The following LRIF1 variants were observed in gnomAD, a reference collection of about 807,000 sequenced individuals.
LRIF1 encodes the protein ligand-dependent nuclear receptor-interacting factor 1.
LRIF1 carries 32 observed loss-of-function variants against 52.7 expected under a neutral mutation model. That is an observed-to-expected ratio of 0.61 (90% CI 0.46 to 0.82). The LOEUF is 0.82. Among genes scored for constraint, LRIF1 ranks in the 40% least tolerant of loss-of-function variants. LRIF1 has a pLI of 0.00. For missense variants in LRIF1, 887 were observed against 892.0 expected (o/e 0.99, Z 0.07); for synonymous variants, 323 against 317.4 (o/e 1.02, Z -0.19).
At position 110,947,937 on chromosome 1, in the gene LRIF1, AC is replaced by A; in HGVS notation, c.*21del. 1 of 1,550,364 alleles carries A rather than the reference AC, an allele frequency of 6.5e-7. No homozygotes were observed. The highest frequency in any genetic ancestry group is 8.7e-7 in the Non-Finnish European group (1 of 1,152,768). On this transcript the variant is annotated 3_prime_UTR_variant, in exon 4 of 4. Transcript: ENST00000369763. ...GTATATTTTAAAAAACAGCTATTTC[AC>A]TGAAGTCTTTACAGGAGATTTTATT...
At chr1:110,954,648 G>C (rs1490209808) in intron 1 of LRIF1, among the ~76,000 whole-genome samples, 1 of 152,110 alleles carries the variant, frequency 6.6e-6, no homozygotes, top group African/African-American at 2.4e-5. Flanking sequence ...ACCTGGATAA[G>C]AACATATTCA....
Position 110,963,862 on chromosome 1 carries a change from C to T in LRIF1, c.-174G>A. 2.0e-6 allele frequency: 1 copy of T among 500,154 alleles called. No individual in the cohort carries two copies. The allele number at this position is 500,154 out of a possible 1,614,324, so 31.0% of individuals were successfully genotyped here. ...GCGGGCTCTCGAGAGGGTGTATCCC[C>T]AGGCTTCGGGACGAGGTCGCGCACC... On this transcript the variant is annotated 5_prime_UTR_variant, in exon 1 of 4. Coordinates refer to ENST00000369763, the MANE Select transcript of LRIF1 (RefSeq NM_018372.4).
the LRIF1 span, among the ~76,000 whole-genome samples, chr1:110,893,448 G>A: frequency 6.6e-5 from 10 of 152,070 alleles, no homozygotes; most frequent in Non-Finnish European, 1.0e-4. Flanking sequence ...TCAGCCTCCC[G>A]AGTAGCTGGG....
Position 110,951,426 on chromosome 1 carries a change from G to A in LRIF1, c.1458C>T (p.His486=). 1.2e-6 allele frequency: 2 copies of A among 1,614,086 alleles called. No homozygotes were observed. The highest frequency in any genetic ancestry group is 1.7e-6 in the Non-Finnish European group (2 of 1,179,990). ...PIFPVGFSTG[H]NAPRKVTAVI... ...CGGCTGTTACTTTTCTGGGGGCATT[G>A]TGTCCTGTACTAAATCCAACTGGAA... The change falls in exon 2 of 4, where the codon CAC becomes CAT. Residue 486 remains histidine (H), a synonymous_variant. Coordinates refer to ENST00000369763, the MANE Select transcript of LRIF1 (RefSeq NM_018372.4).
the LRIF1 span, among the ~76,000 whole-genome samples, chr1:110,882,902 A>T: frequency 2.0e-5 from 3 of 151,998 alleles, no homozygotes; most frequent in African/African-American, 7.2e-5. Context: ...TTGTGGATTG[A>T]ATCTTGTTTC....
the LRIF1 span, among the ~76,000 whole-genome samples, chr1:110,919,446 G>GCACT: frequency 1.1e-5 from 1 of 90,496 alleles, no homozygotes; most frequent in Non-Finnish European, 2.2e-5. Context: ...TTTGAAGTTT[G>GCACT]GACTCTCTTG....
At chr1:110,923,527 A>T in the LRIF1 span, among the ~76,000 whole-genome samples, 3 of 152,220 alleles carry the variant, frequency 2.0e-5, no homozygotes, top group Non-Finnish European at 4.4e-5. Flanking sequence ...ATTTTTTATC[A>T]TGATGCAATT....
chr1:110,916,948 G>A, the LRIF1 span, among the ~76,000 whole-genome samples: 1 of 152,218 alleles, frequency 6.6e-6, no homozygotes, highest in Admixed American at 6.5e-5. Context: ...TGCTTAGGGT[G>A]TGCCACAAGA....
Position 110,952,669 on chromosome 1 carries a change from G to C in LRIF1, c.215C>G (p.Thr72Arg). 1 of 1,614,088 alleles carries C rather than the reference G, an allele frequency of 6.2e-7. No individual in the cohort carries two copies. Among genetic ancestry groups the C allele is most frequent in the South Asian group, 1.1e-5 (1 of 91,078 alleles). ...AAAAGTAACTTGAACTGGTTTTCCT[G>C]TATTCCCTTTCAAAGCATCAGACAT... ...SVMSDALKGN[T>R]GKPVQVTFQT... is the part of the protein sequence containing the mutation. The change falls in exon 2 of 4, where the codon ACA (threonine) becomes AGA (arginine). Residue 72 changes from threonine to arginine, a missense_variant. Thr to Arg is a moderately conservative substitution (Grantham distance 71, BLOSUM62 -1). Transcript: ENST00000369763.
chr1:110,948,546 A>T, intron 3 of LRIF1, 147 bp from the exon 4 acceptor site: 1 of 1,253,798 alleles, frequency 8.0e-7, no homozygotes, highest in Admixed American at 2.8e-5. Flanking sequence ...AGCAAGAGGG[A>T]AATATTTCCC....
chr1:110,896,493 T>C, the LRIF1 span, among the ~76,000 whole-genome samples: 4 of 152,154 alleles, frequency 2.6e-5, no homozygotes, highest in Non-Finnish European at 5.9e-5. Context: ...GTATAACAGA[T>C]TAGAAAGCAC....
chr1:110,890,656 A>G, the LRIF1 span, among the ~76,000 whole-genome samples: 1 of 152,384 alleles, frequency 6.6e-6, no homozygotes, highest in Middle Eastern at 3.4e-3. Flanking sequence ...TCTAGAATTG[A>G]GAACCAGACA....
chr1:110,886,223 A>G, the LRIF1 span, among the ~76,000 whole-genome samples: 5 of 152,062 alleles, frequency 3.3e-5, no homozygotes, highest in Non-Finnish European at 7.4e-5. Flanking sequence ...GTCTGCTCTT[A>G]TCCTTACAAT....
chr1:110,946,655 T>C (rs1346780331), downstream of LRIF1, among the ~76,000 whole-genome samples: 2 of 140,036 alleles, frequency 1.4e-5, no homozygotes, highest in Admixed American at 7.1e-5. Context: ...TTGATCCTTT[T>C]TTTTTTTTTT....
intron 1 of LRIF1, among the ~76,000 whole-genome samples, chr1:110,955,234 T>C (rs1658648469): frequency 6.6e-6 from 1 of 152,222 alleles, no homozygotes; most frequent in Admixed American, 6.5e-5. Flanking sequence ...TCCTTTCTTA[T>C]TCCTTATATT....
At chr1:110,914,082 CT>C in the LRIF1 span, among the ~76,000 whole-genome samples, 2 of 152,056 alleles carry the variant, frequency 1.3e-5, no homozygotes, top group Non-Finnish European at 2.9e-5. Flanking sequence ...GTTCTCACTT[CT>C]TTTATGGGAG....
the LRIF1 span, chr1:110,894,325 A>T: frequency 1.9e-6 from 3 of 1,613,812 alleles, no homozygotes. Flanking sequence ...GCTTTGTCCC[A>T]GTTCTTCATC....
At chr1:110,900,345 A>G in the LRIF1 span, among the ~76,000 whole-genome samples, 1 of 152,112 alleles carries the variant, frequency 6.6e-6, no homozygotes, top group African/African-American at 2.4e-5. Context: ...CGGCACCCAA[A>G]ACAGAAGCCA....
chr1:110,889,122 A>G, the LRIF1 span, among the ~76,000 whole-genome samples: 1 of 152,266 alleles, frequency 6.6e-6, no homozygotes, highest in South Asian at 2.1e-4. Context: ...AATTTTTTTA[A>G]AATTCTAGAT....
Sources: allele counts gnomAD v4.1 joint callset (sites outside exome capture counted in the v4.1 genomes callset), GRCh38; gene constraint gnomAD v4.1.1; transcripts MANE v1.5; gene names NCBI Gene and HGNC (gene_info 2026-07-23, HGNC 2026-07-21).